FDFT1: variants seen among roughly 807,000 people sequenced by gnomAD.
FDFT1 encodes the protein squalene synthase.
In FDFT1, 68 loss-of-function variants were observed where a neutral mutation model predicts 46.8. The ratio of observed to expected loss-of-function variants is 1.45; its 90% CI spans 1.19 to 1.78. The LOEUF is 1.78. Ranked by LOEUF, FDFT1 falls within the 40% of genes most tolerant of loss-of-function variation. The pLI is 0.00. For synonymous variants in FDFT1, 351 were observed against 185.1 expected, an observed-to-expected ratio of 1.90 and a Z score of -7.28; for missense variants, 928 against 524.4, an observed-to-expected ratio of 1.77 and a Z score of -7.52.
intron 7 of FDFT1, 104 bp from the exon 8 acceptor site, chr8:11,838,284 T>G: frequency 4.7e-6 from 4 of 848,460 alleles, no homozygotes; most frequent in Non-Finnish European, 7.8e-6. Flanking sequence ...CTTTCCTCAT[T>G]GGTAAAATGG....
At chr8:11,799,184 G>A (rs1028192871), upstream of FDFT1, among the ~76,000 whole-genome samples, 1 of 152,186 alleles carries the variant, frequency 6.6e-6, no homozygotes, top group Middle Eastern at 3.2e-3. Context: ...ACAGGAAGGC[G>A]CCTTGAGTGT....
chr8:11,800,693 A>G (rs2130642829), upstream of FDFT1, among the ~76,000 whole-genome samples: 1 of 152,366 alleles, frequency 6.6e-6, no homozygotes, highest in East Asian at 1.9e-4. Context: ...CATGAAGTAC[A>G]TTGATTTCTT....
chr8:11,827,671 C>G (rs1037373885), intron 5 of FDFT1, among the ~76,000 whole-genome samples: 2 of 152,154 alleles, frequency 1.3e-5, no homozygotes, highest in African/African-American at 4.8e-5. Flanking sequence ...CAAGATAGTT[C>G]ACAGGAAGAG....
intron 1 of FDFT1, among the ~76,000 whole-genome samples, chr8:11,796,448 T>C (rs1046390795): frequency 2.0e-5 from 3 of 152,108 alleles, no homozygotes; most frequent in African/African-American, 7.2e-5. Flanking sequence ...AGTACTGAGG[T>C]CTGTGAAAGT....
chr8:11,820,745 G>A (rs1425118428), intron 3 of FDFT1, among the ~76,000 whole-genome samples: 2 of 152,180 alleles, frequency 1.3e-5, no homozygotes, highest in Non-Finnish European at 2.9e-5. Context: ...TTTGGGCAGA[G>A]TATACTGTTC....
intron 1 of FDFT1, chr8:11,803,361 C>T (rs913394703): frequency 1.5e-6 from 2 of 1,290,420 alleles, no homozygotes; most frequent in Non-Finnish European, 2.0e-6. Flanking sequence ...TGAAGTCTGA[C>T]TCCTCCAGTT....
intron 3 of FDFT1, among the ~76,000 whole-genome samples, chr8:11,815,974 T>A (rs1198782327): frequency 6.6e-6 from 1 of 152,202 alleles, no homozygotes; most frequent in African/African-American, 2.4e-5. Flanking sequence ...TTGACTGCAT[T>A]TTCTTCTAGG....
At position 11,808,980 on chromosome 8, in the gene FDFT1, C is replaced by G. The variant is rs1807317688; in HGVS notation, c.197+89C>G. 2.0e-6 allele frequency: 3 copies of G among 1,526,740 alleles called. No individual in the cohort carries two copies. In the Admixed American group the frequency reaches 5.9e-5, roughly 30 times the overall value. 94.6% of individuals were successfully genotyped at this position (1,526,740 alleles called of 1,614,324 possible). A position where few individuals can be genotyped will look rare whatever the true frequency, so the allele number is the denominator to read the frequency against. ...GGAAGCTACCTTTTGATATAGCGCT[C>G]AGCGTTGCAGCCTCGTTGCTGTGGC... On this transcript the variant is annotated intron_variant, in intron 2 of 7. Coordinates refer to ENST00000220584, the MANE Select transcript of FDFT1 (RefSeq NM_004462.5).
intron 3 of FDFT1, among the ~76,000 whole-genome samples, chr8:11,811,819 G>T (rs964974688): frequency 2.0e-5 from 3 of 152,228 alleles, no homozygotes; most frequent in Non-Finnish European, 4.4e-5. Flanking sequence ...ACTAAGTTGT[G>T]TGTTTTGCGT....
At chr8:11,823,093 T>A (rs974982553) in intron 4 of FDFT1, among the ~76,000 whole-genome samples, 1 of 152,138 alleles carries the variant, frequency 6.6e-6, no homozygotes, top group Non-Finnish European at 1.5e-5. Context: ...TAGCTGTAAC[T>A]ACAGTGCATG....
intron 4 of FDFT1, among the ~76,000 whole-genome samples, chr8:11,822,893 C>G (rs893288449): frequency 1.3e-5 from 2 of 152,174 alleles, no homozygotes; most frequent in Non-Finnish European, 1.5e-5. Flanking sequence ...TTCTGTTGTG[C>G]AGATTTATTC....
At chr8:11,812,540 T>A (rs144390730) in intron 3 of FDFT1, among the ~76,000 whole-genome samples, 1 of 152,380 alleles carries the variant, frequency 6.6e-6, no homozygotes, top group East Asian at 1.9e-4. Context: ...AATAAAACTC[T>A]GAGGGACTAA....
At position 11,821,815 on chromosome 8, in the gene FDFT1, A is replaced by T. The variant is rs1809289805; in HGVS notation, c.447A>T (p.Arg149Ser). ...YQTVIADICR[R>S]MGIGMAEFLD... is the part of the protein sequence containing the mutation. ...CAGTGATTGCCGACATTTGCCGGAG[A>T]ATGGGCATTGGGATGGCAGAGTTTT... is the stretch of plus-strand genomic sequence containing the variant. The change falls in exon 4 of 8, where the codon AGA (arginine) becomes AGT (serine). Residue 149 changes from arginine (R) to serine (S), a missense_variant. Transcript: ENST00000220584. The T allele has an allele frequency of 1.2e-6, 2 of 1,613,808 alleles. No homozygotes were observed. The highest frequency in any genetic ancestry group is 2.2e-5 in the South Asian group (2 of 91,086).
intron 1 of FDFT1, among the ~76,000 whole-genome samples, chr8:11,807,310 C>G (rs528178574): frequency 6.6e-6 from 1 of 151,872 alleles, no homozygotes; most frequent in South Asian, 2.1e-4. Context: ...GCCACCACAC[C>G]TGGCTTTTTA....
chr8:11,800,089 G>A (rs1177922653), upstream of FDFT1, among the ~76,000 whole-genome samples: 2 of 150,684 alleles, frequency 1.3e-5, no homozygotes. Flanking sequence ...GTGAAACCCT[G>A]TCTCTACTAA....
chr8:11,802,555 C>T (rs1806253730), upstream of FDFT1: 4 of 594,204 alleles, frequency 6.7e-6, no homozygotes, highest in East Asian at 3.6e-5. Context: ...GTTATCACGC[C>T]AGTCTCCTTC....
In FDFT1 at chr8:11,838,660, T is replaced by G. The variant is rs536367756; in HGVS notation, c.*51T>G. On this transcript the variant is annotated 3_prime_UTR_variant, in exon 8 of 8. Coordinates refer to ENST00000220584, the MANE Select transcript of FDFT1 (RefSeq NM_004462.5). Reference sequence around the variant, plus strand: ...CCACCATAAAGTGGATTTACTTTTTTTCTTTAAGGATGGATGTTGTGTTCT... The same window carrying G: ...CCACCATAAAGTGGATTTACTTTTTGTCTTTAAGGATGGATGTTGTGTTCT... The G allele has an allele frequency of 7.3e-7, 1 of 1,372,114 alleles. No individual in the cohort carries two copies. The highest frequency in any genetic ancestry group is 1.4e-5 in the African/African-American group (1 of 70,196). 85.0% of individuals were successfully genotyped at this position (1,372,114 alleles called of 1,614,324 possible). A position where few individuals can be genotyped will look rare whatever the true frequency, so the allele number is the denominator to read the frequency against.
intron 3 of FDFT1, among the ~76,000 whole-genome samples, chr8:11,813,061 G>C (rs1169955433): frequency 6.6e-6 from 1 of 152,212 alleles, no homozygotes; most frequent in Non-Finnish European, 1.5e-5. Flanking sequence ...ATCTCTACAG[G>C]ATGGTACTGT....
In FDFT1 at chr8:11,802,808, C is replaced by T. The variant is rs202044203; in HGVS notation, c.-25C>T. ...GGGACCGCAGAGGTGAGAGTCGCGC[C>T]CGGGAGTCCGCCGCCTGCGCCAGGA... is the stretch of plus-strand genomic sequence containing the variant. On this transcript the variant is annotated 5_prime_UTR_variant, in exon 1 of 8. Transcript: ENST00000220584. The T allele has an allele frequency of 3.2e-6, 5 of 1,584,890 alleles. No homozygotes were observed. Among genetic ancestry groups the T allele is most frequent in the Admixed American group, 1.7e-5 (1 of 57,276 alleles).
Sources: allele counts gnomAD v4.1 joint callset (sites outside exome capture counted in the v4.1 genomes callset), GRCh38; gene constraint gnomAD v4.1.1; transcripts MANE v1.5; gene names NCBI Gene and HGNC (gene_info 2026-07-23, HGNC 2026-07-21).